The following EXO5 variants were observed in gnomAD, a reference collection of about 807,000 sequenced individuals.
EXO5 encodes the protein exonuclease V.
Under a neutral mutation model 17.8 loss-of-function variants are expected in EXO5, and 11 were observed. That is an observed-to-expected ratio of 0.62 (90% CI 0.39 to 1.02). The LOEUF (loss-of-function observed/expected upper bound fraction) is 1.02, where lower values mean the gene tolerates loss of function less well. Ranked by LOEUF, EXO5 falls within the 50% of genes least tolerant of loss-of-function variation. The probability of loss-of-function intolerance (pLI) is 0.00; values close to 1 mark genes in which losing one functional copy is unlikely to be tolerated. For missense variants in EXO5, 364 were observed against 434.8 expected (o/e 0.84, Z 1.45); for synonymous variants, 147 against 166.5 (o/e 0.88, Z 0.90).
At chr1:40,511,098 G>C (rs773457296) in intron 3 of EXO5, among the ~76,000 whole-genome samples, 1 of 152,164 alleles carries the variant, frequency 6.6e-6, no homozygotes, top group African/African-American at 2.4e-5. Context: ...AGCTGGGCGC[G>C]GTGGCGGGTG....
chr1:40,509,314 A>G (rs537030298), intron 1 of EXO5, 137 bp from the exon 2 acceptor site: 1 of 152,410 alleles, frequency 6.6e-6, no homozygotes, highest in African/African-American at 2.4e-5. Flanking sequence ...TGCAGAAGGC[A>G]GTAACCCATC....
chr1:40,515,578 C>T lies in EXO5; in HGVS notation c.1034C>T (p.Thr345Met), dbSNP rs773998580. The change falls in exon 4 of 4, where the codon ACG becomes ATG. Residue 345 changes from threonine to methionine, a missense_variant. Thr to Met is a moderately conservative substitution (Grantham distance 81). Coordinates refer to ENST00000415550, the MANE Select transcript of EXO5 (RefSeq NM_001346953.2). The stretch of plus-strand genomic sequence containing the variant: ...GTGGAGGAGGCTTGGAAGTGCCGGA[C>T]GTGTACCTATGCAGACATTTGTGAG... ...VDVEEAWKCRTCTYADICEWR... is the reference protein window; with the variant it reads ...VDVEEAWKCRMCTYADICEWR... 1.2e-5 allele frequency: 20 copies of T among 1,612,824 alleles called. No homozygotes were observed. The highest frequency in any genetic ancestry group is 1.6e-5 in the Non-Finnish European group (19 of 1,179,898).
chr1:40,512,951 A>G (rs1326145577), intron 3 of EXO5, among the ~76,000 whole-genome samples: 1 of 152,214 alleles, frequency 6.6e-6, no homozygotes, highest in Admixed American at 6.5e-5. Flanking sequence ...GAAAGAAAAA[A>G]GGAGTACAGT....
At position 40,508,807 on chromosome 1, in the gene EXO5, G is replaced by T. The variant is rs1383099395; in HGVS notation, c.-365G>T. On this transcript the variant is annotated 5_prime_UTR_variant, in exon 1 of 4. Coordinates refer to ENST00000415550, the MANE Select transcript of EXO5 (RefSeq NM_001346953.2). This position sits in a 1 kb window ranked among gnomAD's most constrained non-coding sequence, Gnocchi z 4.2. ...ACTGTGTAGTCCGCTCCGGCAGCGC[G>T]CTCTGCCCGGCTTCCTCAGTCTCCT... The T allele has an allele frequency of 6.6e-6, 1 of 152,232 alleles. No individual in the cohort carries two copies. Among genetic ancestry groups the T allele is most frequent in the Non-Finnish European group, 1.5e-5 (1 of 68,078 alleles). 9.4% of individuals were successfully genotyped at this position (152,232 alleles called of 1,614,324 possible). A position where few individuals can be genotyped will look rare whatever the true frequency, so the allele number is the denominator to read the frequency against.
At chr1:40,511,531 C>T (rs1239396099) in intron 3 of EXO5, among the ~76,000 whole-genome samples, 3 of 152,134 alleles carry the variant, frequency 2.0e-5, no homozygotes, top group Non-Finnish European at 4.4e-5. Flanking sequence ...TCTATGTTTT[C>T]TTTCATTAGT....
At chr1:40,513,456 A>G (rs1241427063) in intron 3 of EXO5, among the ~76,000 whole-genome samples, 1 of 152,192 alleles carries the variant, frequency 6.6e-6, no homozygotes, top group African/African-American at 2.4e-5. Flanking sequence ...AAATTGTAGA[A>G]AGTGGCCCAT....
chr1:40,515,387 G>T lies in EXO5; in HGVS notation c.843G>T (p.Leu281=). ...AACTTGTCTTCTTGTCTCTAACACT[G>T]TCAGACCTCCCAGTTATTGATATCT... ...LMELVFLSLT[L]SDLPVIDILK... The change falls in exon 4 of 4, where the codon CTG becomes CTT. Residue 281 remains leucine (L), a synonymous_variant. Coordinates refer to ENST00000415550, the MANE Select transcript of EXO5 (RefSeq NM_001346953.2). 6.2e-7 allele frequency: 1 copy of T among 1,614,062 alleles called. No homozygotes were observed. Among genetic ancestry groups the T allele is most frequent in the Non-Finnish European group, 8.5e-7 (1 of 1,180,022 alleles).
In EXO5 at chr1:40,514,532, C is replaced by A. The variant is rs1248425278; in HGVS notation, c.-13C>A. 1 of 1,602,832 alleles carries A rather than the reference C, an allele frequency of 6.2e-7. No homozygotes were observed. Among genetic ancestry groups the A allele is most frequent in the Admixed American group, 1.8e-5 (1 of 57,098 alleles). On this transcript the variant is annotated 5_prime_UTR_variant, in exon 4 of 4. Transcript: ENST00000415550. ...TTATGCAGGGCCCTTCTAGCCCAAT[C>A]CAGAGCTGTACCATGGCAGAGACAA...
In EXO5 at chr1:40,514,982, GT is replaced by G. The variant is rs1393766878; in HGVS notation, c.441del (p.Leu148Ter). On this transcript the variant is annotated frameshift_variant, in exon 4 of 4. Coordinates refer to ENST00000415550, the MANE Select transcript of EXO5 (RefSeq NM_001346953.2). LOFTEE classifies it high-confidence loss of function. Reference sequence around the variant, plus strand: ...CTAAAGAAGATGCTTGGGCAATTAAGTTTCTGAACATACTTTTGCTGATTCC... The same window carrying G: ...CTAAAGAAGATGCTTGGGCAATTAAGTTCTGAACATACTTTTGCTGATTCC... Reference protein sequence around the residue: ...TTKEDAWAIKFLNILLLIPTL... With the variant: ...TTKEDAWAIKXLNILLLIPTL... 3 of 1,614,026 alleles carry G rather than the reference GT, an allele frequency of 1.9e-6. No homozygotes were observed. In the African/African-American group the frequency reaches 4.0e-5, roughly 22 times the overall value.
intron 3 of EXO5, among the ~76,000 whole-genome samples, chr1:40,510,535 GT>G (rs1248565176): frequency 6.6e-6 from 1 of 152,166 alleles, no homozygotes; most frequent in African/African-American, 2.4e-5. Context: ...TCACTTCCCT[GT>G]TTAGAACTAC....
At position 40,514,664 on chromosome 1, in the gene EXO5, A is replaced by C. The variant is rs1570087594; in HGVS notation, c.120A>C (p.Leu40Phe). 9 of 1,614,224 alleles carry C rather than the reference A, an allele frequency of 5.6e-6. No individual in the cohort carries two copies. In the East Asian group the frequency reaches 2.0e-4, roughly 36 times the overall value. ...AAGATGCCCAAGAGTCAAAGGCTTT[A>C]GTTAACATGCCTGGCCCATCTTCTG... ...DLEDAQESKA[L>F]VNMPGPSSES... Residue 40 changes from leucine (L) to phenylalanine (F), a missense_variant, in exon 4 of 4, where the codon TTA becomes TTC. Transcript: ENST00000415550.
rs1178229079 is a variant in EXO5, at chr1:40,515,348, G to C, written c.804G>C (p.Leu268Phe). The change falls in exon 4 of 4, where the codon TTG (leucine) becomes TTC (phenylalanine). Residue 268 changes from leucine (L) to phenylalanine (F), a missense_variant. Physicochemically the swap from Leu to Phe is conservative, Grantham distance 22. Coordinates refer to ENST00000415550, the MANE Select transcript of EXO5 (RefSeq NM_001346953.2). ...AQQGGFSVKS[L>F]GDLMELVFLS... ...AGGGAGGCTTCTCTGTGAAGTCTTT[G>C]GGTGACCTCATGGAACTTGTCTTCT... is the stretch of plus-strand genomic sequence containing the variant. 1 of 1,614,090 alleles carries C rather than the reference G, an allele frequency of 6.2e-7. No homozygotes were observed. Among genetic ancestry groups the C allele is most frequent in the Non-Finnish European group, 8.5e-7 (1 of 1,180,006 alleles).
rs1645838691 is a variant in EXO5 at position 40,514,382 on chromosome 1, A to G, written c.-30-133A>G. 3 of 698,058 alleles carry G rather than the reference A, an allele frequency of 4.3e-6. No individual in the cohort carries two copies. The Admixed American group carries it at 9.1e-5, about 21-fold the overall frequency. The allele number at this position is 698,058 out of a possible 1,614,324, so 43.2% of individuals were successfully genotyped here. A position where few individuals can be genotyped will look rare whatever the true frequency, so the allele number is the denominator to read the frequency against. The stretch of plus-strand genomic sequence containing the variant: ...TAACTCAAGGCATTACTAATTGGTC[A>G]TAAATAAACTGGCTTTTTAAAAGAA... On this transcript the variant is annotated intron_variant, in intron 3 of 3. Coordinates refer to ENST00000415550, the MANE Select transcript of EXO5 (RefSeq NM_001346953.2).
At chr1:40,509,347 A>G (rs1040253051) in intron 1 of EXO5, 104 bp from the exon 2 acceptor site, 1 of 152,312 alleles carries the variant, frequency 6.6e-6, no homozygotes, top group African/African-American at 2.4e-5. Flanking sequence ...CCGCTGTCAT[A>G]AGGTCTCTTG....
chr1:40,511,669 A>C (rs1289755070), intron 3 of EXO5, among the ~76,000 whole-genome samples: 2 of 152,226 alleles, frequency 1.3e-5, no homozygotes, highest in Non-Finnish European at 2.9e-5. Flanking sequence ...GCTTATTAGA[A>C]TAGCAAGAAG....
rs1645880441 is a variant in EXO5, at chr1:40,515,712, G to A, written c.*46G>A. On this transcript the variant is annotated 3_prime_UTR_variant, in exon 4 of 4. Transcript: ENST00000415550. The stretch of plus-strand genomic sequence containing the variant: ...AATGTTGATCCTTCCTGCTCCTGTT[G>A]TACCTAAGCAAAAGAGGACCAGTCT... 1 of 1,555,280 alleles carries A rather than the reference G, an allele frequency of 6.4e-7. No homozygotes were observed.
chr1:40,514,274 C>T (rs1323809710), intron 3 of EXO5, among the ~76,000 whole-genome samples: 2 of 147,720 alleles, frequency 1.4e-5, no homozygotes, highest in African/African-American at 2.5e-5. Flanking sequence ...AGCGAGACTC[C>T]GTCTCAAAAA....
intron 3 of EXO5, among the ~76,000 whole-genome samples, chr1:40,511,884 CT>C (rs57507753): frequency 0.3 from 43,475 of 145,400 alleles, 7,564 homozygotes; most frequent in African/African-American, 0.47. Context: ...TTTCTTTTTT[CT>C]TTTTTTTTTT....
In EXO5 at chr1:40,515,070, C is replaced by T. The variant is rs1459256171; in HGVS notation, c.526C>T (p.Leu176Phe). The T allele has an allele frequency of 5.6e-6, 9 of 1,614,088 alleles. No individual in the cohort carries two copies. The highest frequency in any genetic ancestry group is 6.8e-6 in the Non-Finnish European group (8 of 1,179,996). Residue 176 changes from leucine to phenylalanine, a missense_variant, in exon 4 of 4, where the codon CTT becomes TTT. Coordinates refer to ENST00000415550, the MANE Select transcript of EXO5 (RefSeq NM_001346953.2). ...FPVFGEGEGV[L>F]LVGVIDELHY... ...AGTGTTTGGGGAAGGGGAGGGTGTA[C>T]TTCTTGTTGGAGTGATTGATGAGCT... is the stretch of plus-strand genomic sequence containing the variant.
Sources: allele counts gnomAD v4.1 joint callset (sites outside exome capture counted in the v4.1 genomes callset), GRCh38; gene constraint gnomAD v4.1.1; non-coding constraint Gnocchi (gnomAD v3.1); transcripts MANE v1.5; gene names NCBI Gene and HGNC (gene_info 2026-07-23, HGNC 2026-07-21).